Variants in LUZP2 observed in about 807,000 individuals in gnomAD.
LUZP2 encodes the protein leucine zipper protein 2.
In LUZP2, 52 loss-of-function variants were observed where a neutral mutation model predicts 51.6. The observed-to-expected ratio is 1.01, with a 90% CI of 0.81 to 1.27. LUZP2 has a LOEUF of 1.27. LUZP2 is among the 50% of genes most tolerant of loss of function. The probability of loss-of-function intolerance (pLI) is 0.00; values close to 1 mark genes in which losing one functional copy is unlikely to be tolerated. For missense variants in LUZP2, 436 were observed against 395.4 expected (o/e 1.10, Z -0.87); for synonymous variants, 154 against 137.3 (o/e 1.12, Z -0.85).
intron 1 of LUZP2, chr11:24,646,477 T>C: frequency 2.3e-6 from 1 of 426,446 alleles, no homozygotes; most frequent in Middle Eastern, 1.2e-3. Flanking sequence ...ACTCAGAGTT[T>C]CCTATCTTAA....
intron 4 of LUZP2, among the ~76,000 whole-genome samples, chr11:24,745,552 T>C (rs936164650): frequency 2.6e-5 from 4 of 152,282 alleles, no homozygotes; most frequent in Admixed American, 2.0e-4. Context: ...GTGTCCATTT[T>C]CATGAATTGC....
At chr11:24,531,709 T>C (rs1851005648) in intron 1 of LUZP2, among the ~76,000 whole-genome samples, 1 of 150,894 alleles carries the variant, frequency 6.6e-6, no homozygotes, top group Non-Finnish European at 1.5e-5. Flanking sequence ...GCTCATTTTG[T>C]TTAACATACC....
chr11:24,897,910 C>A (rs760940716), intron 5 of LUZP2, among the ~76,000 whole-genome samples: 8 of 151,946 alleles, frequency 5.3e-5, no homozygotes, highest in Non-Finnish European at 1.0e-4. Flanking sequence ...ACATGGATTC[C>A]TACGCTTTCT....
intron 1 of LUZP2, among the ~76,000 whole-genome samples, chr11:24,666,220 G>A (rs1024481499): frequency 2.6e-5 from 4 of 152,094 alleles, no homozygotes; most frequent in South Asian, 2.1e-4. Context: ...AAGGAAAGTC[G>A]ATCAATGGGA....
At chr11:24,590,694 C>T (rs541880164) in intron 1 of LUZP2, among the ~76,000 whole-genome samples, 50 of 152,252 alleles carry the variant, frequency 3.3e-4, no homozygotes, top group African/African-American at 1.1e-3. Flanking sequence ...ATTAAGGCAG[C>T]ACTTCAAAAA....
chr11:24,974,525 A>G (rs1855832835), intron 7 of LUZP2, among the ~76,000 whole-genome samples: 1 of 152,020 alleles, frequency 6.6e-6, no homozygotes, highest in South Asian at 2.1e-4. Context: ...TTTTTGCATA[A>G]ATAGTTCTAT....
intron 5 of LUZP2, among the ~76,000 whole-genome samples, chr11:24,819,798 AGAGTT>A (rs1357056220): frequency 2.0e-5 from 3 of 152,134 alleles, no homozygotes; most frequent in Admixed American, 2.0e-4. Context: ...TATACATTGT[AGAGTT>A]AAGTTTTACA....
chr11:24,497,426 GA>G, intron 1 of LUZP2, 121 bp downstream of exon 1: 5 of 585,626 alleles, frequency 8.5e-6, no homozygotes, highest in Non-Finnish European at 1.3e-5. Context: ...GCCTAAGCAA[GA>G]GGGACGCTGT....
intron 7 of LUZP2, among the ~76,000 whole-genome samples, chr11:24,931,230 AAAATAAAAT>A (rs1854440770): frequency 1.4e-5 from 1 of 72,188 alleles, no homozygotes; most frequent in African/African-American, 3.1e-5. Flanking sequence ...AAAATAAAAT[AAAATAAAAT>A]AAAATAAAAT....
chr11:24,534,151 G>A (rs899275605), intron 1 of LUZP2, among the ~76,000 whole-genome samples: 1 of 151,120 alleles, frequency 6.6e-6, no homozygotes, highest in Non-Finnish European at 1.5e-5. Flanking sequence ...GAGTGTTGGA[G>A]TTTTAAGTTG....
chr11:24,987,309 G>C (rs553749562), intron 9 of LUZP2, among the ~76,000 whole-genome samples: 1 of 151,962 alleles, frequency 6.6e-6, no homozygotes, highest in Admixed American at 6.6e-5. Flanking sequence ...ATTCAAATAA[G>C]TGTAACTTCA....
chr11:24,716,135 G>A (rs1027779289), intron 1 of LUZP2, among the ~76,000 whole-genome samples: 1 of 152,124 alleles, frequency 6.6e-6, no homozygotes, highest in Non-Finnish European at 1.5e-5. Context: ...TGAAGCTATA[G>A]TTATGCTTGC....
intron 1 of LUZP2, among the ~76,000 whole-genome samples, chr11:24,711,772 G>T (rs549679708): frequency 6.6e-6 from 1 of 151,698 alleles, no homozygotes; most frequent in East Asian, 1.9e-4. Flanking sequence ...CCCTCTATTT[G>T]CAGCCCTTCT....
At chr11:24,683,281 T>C (rs1431016390) in intron 1 of LUZP2, among the ~76,000 whole-genome samples, 2 of 152,224 alleles carry the variant, frequency 1.3e-5, no homozygotes, top group Admixed American at 6.5e-5. Context: ...CTGTGAGTAC[T>C]TAAAGGATTA....
intron 1 of LUZP2, among the ~76,000 whole-genome samples, chr11:24,691,224 A>C (rs1170060505): frequency 2.0e-5 from 3 of 151,982 alleles, no homozygotes; most frequent in Admixed American, 2.0e-4. Context: ...ATATCTGGAA[A>C]TCTCAGTCAA....
At chr11:24,767,444 T>C (rs1565126485) in intron 5 of LUZP2, among the ~76,000 whole-genome samples, 1 of 152,220 alleles carries the variant, frequency 6.6e-6, no homozygotes, top group East Asian at 1.9e-4. Context: ...GTGACTAAAA[T>C]AGAAGTGAAG....
At chr11:24,565,456 T>C (rs1030273118) in intron 1 of LUZP2, among the ~76,000 whole-genome samples, 8 of 152,130 alleles carry the variant, frequency 5.3e-5, no homozygotes, top group African/African-American at 1.9e-4. Context: ...CAGTCTAATC[T>C]GAGAAAATTT....
chr11:24,699,819 T>C (rs931032559), intron 1 of LUZP2, among the ~76,000 whole-genome samples: 1 of 149,872 alleles, frequency 6.7e-6, no homozygotes, highest in African/African-American at 2.4e-5. Context: ...TGATATTTCA[T>C]AGGAGTGTAT....
chr11:24,817,417 G>C (rs1035638749), intron 5 of LUZP2, among the ~76,000 whole-genome samples: 3 of 151,848 alleles, frequency 2.0e-5, no homozygotes, highest in African/African-American at 7.3e-5. Flanking sequence ...CTTACATAAA[G>C]GTGTATAACA....
Sources: allele counts gnomAD v4.1 joint callset (sites outside exome capture counted in the v4.1 genomes callset), GRCh38; gene constraint gnomAD v4.1.1; transcripts MANE v1.5; gene names NCBI Gene and HGNC (gene_info 2026-07-23, HGNC 2026-07-21).